NR6A1: variants seen among roughly 807,000 people sequenced by gnomAD.
NR6A1 encodes retinoic acid receptor-related testis-associated receptor.
A neutral mutation model predicts 59.1 loss-of-function variants in NR6A1; 7 were observed. That is an observed-to-expected ratio of 0.12 (90% CI 0.07 to 0.22). The LOEUF is 0.22. NR6A1 is among the 10% of genes least tolerant of loss of function. The pLI is 1.00. For synonymous variants in NR6A1, 243 were observed against 236.1 expected (o/e 1.03, Z -0.27); for missense variants, 468 against 611.6 (o/e 0.77, Z 2.48).
intron 2 of NR6A1, among the ~76,000 whole-genome samples, chr9:124,725,564 C>G (rs905293893): frequency 6.6e-6 from 1 of 152,100 alleles, no homozygotes; most frequent in Admixed American, 6.5e-5. Flanking sequence ...GGAGTGTGAG[C>G]AGGCTTTCCT....
intron 2 of NR6A1, among the ~76,000 whole-genome samples, chr9:124,686,287 A>G (rs963471251): frequency 1.3e-5 from 2 of 152,228 alleles, no homozygotes; most frequent in African/African-American, 4.8e-5. Context: ...GGAAAGATTG[A>G]GTTCTTTGGT....
intron 3 of NR6A1, among the ~76,000 whole-genome samples, chr9:124,550,795 CA>C (rs1030967600): frequency 1.2e-4 from 18 of 152,246 alleles, no homozygotes; most frequent in African/African-American, 4.3e-4. Flanking sequence ...CTTGGCCTCC[CA>C]AAGTGCTGGG....
chr9:124,525,120 A>G (rs1486590998), intron 8 of NR6A1, among the ~76,000 whole-genome samples: 1 of 152,158 alleles, frequency 6.6e-6, no homozygotes, highest in Non-Finnish European at 1.5e-5. Context: ...GGCTTCTCTC[A>G]ACTTCATACC....
intron 2 of NR6A1, among the ~76,000 whole-genome samples, chr9:124,611,101 TAAACATGTTC>T (rs1044304178): frequency 8.6e-5 from 13 of 151,536 alleles, no homozygotes; most frequent in Non-Finnish European, 1.6e-4. Flanking sequence ...GCTTTGGAGT[TAAACATGTTC>T]AGTGTCCCAC....
At chr9:124,598,284 CTA>C (rs376540978) in intron 2 of NR6A1, among the ~76,000 whole-genome samples, 11 of 151,500 alleles carry the variant, frequency 7.3e-5, no homozygotes, top group African/African-American at 2.4e-4. Flanking sequence ...CTGCAGTGCG[CTA>C]TGATTGTGGC....
chr9:124,541,876 G>T (rs1260512708), intron 4 of NR6A1, among the ~76,000 whole-genome samples: 1 of 152,164 alleles, frequency 6.6e-6, no homozygotes, highest in African/African-American at 2.4e-5. Flanking sequence ...TATACCAAGG[G>T]GGAACCATGA....
At chr9:124,711,902 T>C (rs547814631) in intron 2 of NR6A1, among the ~76,000 whole-genome samples, 4 of 152,358 alleles carry the variant, frequency 2.6e-5, no homozygotes, top group Non-Finnish European at 4.4e-5. Context: ...GCTGGGACTA[T>C]AGGCCCCATA....
At position 124,558,325 on chromosome 9, in the gene NR6A1, C is replaced by T. The variant is rs577822696; in HGVS notation, c.143-3755G>A. Among the ~76,000 whole-genome samples the T allele has an allele frequency of 1.7e-3, 263 of 152,262 alleles. 1 individual carries two copies. The South Asian group carries it at 0.018, about 10-fold the overall frequency. On this transcript the variant is annotated intron_variant, in intron 2 of 9. Transcript: ENST00000487099. ...CCATATTTCTTTAAGGAGCCTGAAG[C>T]CCTAGGACTGCTTCTCTGTCTGGCT... is the stretch of plus-strand genomic sequence containing the variant.
chr9:124,711,130 G>A (rs895238703), intron 2 of NR6A1, among the ~76,000 whole-genome samples: 9 of 145,632 alleles, frequency 6.2e-5, no homozygotes, highest in Admixed American at 7.0e-5. Flanking sequence ...ATTATGAACC[G>A]GAAAGCAGGA....
chr9:124,617,315 C>T (rs1835924985), intron 2 of NR6A1, among the ~76,000 whole-genome samples: 1 of 152,204 alleles, frequency 6.6e-6, no homozygotes, highest in South Asian at 2.1e-4. Context: ...TCAATGGCTG[C>T]AATTGGTATA....
At chr9:124,648,567 A>G (rs555223416) in intron 2 of NR6A1, among the ~76,000 whole-genome samples, 71 of 152,250 alleles carry the variant, frequency 4.7e-4, no homozygotes, top group African/African-American at 1.7e-3. Context: ...CTTTTATTCA[A>G]ATAGTACTGA....
chr9:124,622,771 T>C (rs1200007429), intron 2 of NR6A1, among the ~76,000 whole-genome samples: 3 of 145,520 alleles, frequency 2.1e-5, no homozygotes, highest in East Asian at 4.0e-4. Context: ...AAAAAAAGAG[T>C]AGGAAATTGA....
At chr9:124,526,709 A>C in intron 8 of NR6A1, 70 bp downstream of exon 8, 2 of 1,593,332 alleles carry the variant, frequency 1.3e-6, no homozygotes, top group Non-Finnish European at 1.7e-6. Flanking sequence ...GAGGGGTGAA[A>C]CAGGAGGGCA....
chr9:124,535,771 G>T, intron 7 of NR6A1, 107 bp downstream of exon 7: 3 of 1,354,722 alleles, frequency 2.2e-6, no homozygotes, highest in Non-Finnish European at 3.1e-6. Context: ...TCAAATCCAG[G>T]CCTATGAGGT....
intron 2 of NR6A1, among the ~76,000 whole-genome samples, chr9:124,680,111 T>C (rs1838097334): frequency 6.6e-6 from 1 of 152,048 alleles, no homozygotes; most frequent in African/African-American, 2.4e-5. Flanking sequence ...TGTGTGTGTG[T>C]GTGTGTGTGT....
chr9:124,686,529 C>T (rs889346759), intron 2 of NR6A1, among the ~76,000 whole-genome samples: 2 of 152,036 alleles, frequency 1.3e-5, no homozygotes, highest in African/African-American at 2.4e-5. Context: ...GAACAATAAT[C>T]GCTGGTAGAG....
chr9:124,685,435 A>G (rs1838301006), intron 2 of NR6A1, among the ~76,000 whole-genome samples: 1 of 152,156 alleles, frequency 6.6e-6, no homozygotes. Context: ...TCAAGCCAAT[A>G]TTGCCACCTC....
intron 2 of NR6A1, among the ~76,000 whole-genome samples, chr9:124,727,799 C>T (rs1397694814): frequency 6.6e-6 from 1 of 151,936 alleles, no homozygotes; most frequent in African/African-American, 2.4e-5. Flanking sequence ...ATTCTCCTGC[C>T]TCAGCCTCCC....
At chr9:124,760,497 G>T (rs1840759474) in intron 1 of NR6A1, among the ~76,000 whole-genome samples, 2 of 152,078 alleles carry the variant, frequency 1.3e-5, no homozygotes, top group South Asian at 4.1e-4. Flanking sequence ...CAGATACTAT[G>T]CTTGGCAATT....
Sources: gnomAD v4.1 joint callset for allele counts (sites outside exome capture counted in the v4.1 genomes callset) on GRCh38, gnomAD v4.1.1 for gene constraint, MANE v1.5 for transcripts, NCBI Gene and HGNC (gene_info 2026-07-23, HGNC 2026-07-21) for gene names.